Variants in LRP1B observed in about 807,000 individuals in gnomAD.
LRP1B encodes the protein low-density lipoprotein receptor-related protein 1B.
LRP1B carries 217 observed loss-of-function variants against 556.6 expected under a neutral mutation model. The observed-to-expected ratio is 0.39, with a 90% confidence interval of 0.35 to 0.44. The LOEUF is 0.44. Ranked by LOEUF, LRP1B falls within the 20% of genes least tolerant of loss-of-function variation. The probability of loss-of-function intolerance (pLI) is 1.00; values close to 1 mark genes in which losing one functional copy is unlikely to be tolerated. For missense variants in LRP1B, 5,053 were observed against 5,620.8 expected (o/e 0.90, Z 3.23); for synonymous variants, 2,047 against 1,865.8 (o/e 1.10, Z -2.50).
intron 7 of LRP1B, among the ~76,000 whole-genome samples, chr2:141,131,888 T>C (rs757985722): frequency 1.3e-5 from 2 of 151,942 alleles, no homozygotes; most frequent in African/African-American, 2.4e-5. Flanking sequence ...TTTGGTTACA[T>C]GAGTAAGTTC....
chr2:141,929,419 G>A (rs1700424829), intron 1 of LRP1B, among the ~76,000 whole-genome samples: 3 of 151,938 alleles, frequency 2.0e-5, no homozygotes, highest in South Asian at 4.1e-4. Context: ...ATGTTACAGT[G>A]GAGAAGTCAA....
At chr2:141,784,966 G>C (rs1476293968) in intron 2 of LRP1B, among the ~76,000 whole-genome samples, 1 of 151,904 alleles carries the variant, frequency 6.6e-6, no homozygotes. Flanking sequence ...GATAGATATG[G>C]CAGTGGTAAC....
chr2:141,776,212 T>C (rs188584457), intron 2 of LRP1B, among the ~76,000 whole-genome samples: 113 of 133,810 alleles, frequency 8.4e-4, no homozygotes, highest in Middle Eastern at 7.5e-3. Flanking sequence ...AATTTTTAGT[T>C]CTCAGGTAAC....
chr2:140,490,961 C>T (rs1034983554), intron 57 of LRP1B, among the ~76,000 whole-genome samples: 2 of 151,984 alleles, frequency 1.3e-5, no homozygotes, highest in African/African-American at 4.8e-5. Context: ...TGACTGGCAA[C>T]AGTCTAAAAT....
chr2:141,364,019 C>T (rs1383051529), intron 3 of LRP1B, among the ~76,000 whole-genome samples: 1 of 152,076 alleles, frequency 6.6e-6, no homozygotes, highest in Non-Finnish European at 1.5e-5. Flanking sequence ...GTTTGATTTT[C>T]TCCTCCATAT....
At chr2:141,292,136 T>C (rs2105411459) in intron 3 of LRP1B, among the ~76,000 whole-genome samples, 1 of 152,244 alleles carries the variant, frequency 6.6e-6, no homozygotes, top group South Asian at 2.1e-4. Flanking sequence ...ACAAACCCTA[T>C]TGTGACCTGT....
At chr2:140,348,860 T>G (rs1681818085) in intron 77 of LRP1B, among the ~76,000 whole-genome samples, 1 of 152,148 alleles carries the variant, frequency 6.6e-6, no homozygotes, top group Middle Eastern at 3.2e-3. Flanking sequence ...TTGTGAATTC[T>G]GTTCACTAGA....
At chr2:142,077,381 T>A (rs1705542400) in intron 1 of LRP1B, among the ~76,000 whole-genome samples, 1 of 152,156 alleles carries the variant, frequency 6.6e-6, no homozygotes, top group African/African-American at 2.4e-5. Flanking sequence ...TATTTAAATT[T>A]ATATCCCTGT....
chr2:141,232,666 G>A (rs1683516429), intron 5 of LRP1B, among the ~76,000 whole-genome samples: 3 of 152,066 alleles, frequency 2.0e-5, no homozygotes, highest in South Asian at 2.1e-4. Flanking sequence ...AAAACATATC[G>A]ACCACTAATT....
At chr2:141,489,129 T>G (rs886109170) in intron 2 of LRP1B, among the ~76,000 whole-genome samples, 8 of 145,494 alleles carry the variant, frequency 5.5e-5, no homozygotes, top group African/African-American at 2.1e-4. Flanking sequence ...TTTTTTTTTT[T>G]TTTTTTTTTT....
At chr2:140,254,912 T>C (rs1681611678) in intron 86 of LRP1B, among the ~76,000 whole-genome samples, 6 of 152,176 alleles carry the variant, frequency 3.9e-5, no homozygotes. Flanking sequence ...CAAAGCTTTC[T>C]TGGGACGTTG....
intron 2 of LRP1B, among the ~76,000 whole-genome samples, chr2:141,513,867 G>A (rs979548091): frequency 1.3e-5 from 2 of 152,132 alleles, no homozygotes; most frequent in East Asian, 1.9e-4. Flanking sequence ...TGGTCGTGGA[G>A]GAAGTCCATT....
intron 1 of LRP1B, among the ~76,000 whole-genome samples, chr2:142,016,876 A>G (rs1188301559): frequency 1.3e-5 from 2 of 149,236 alleles, no homozygotes; most frequent in Non-Finnish European, 3.0e-5. Context: ...ATATATGTAT[A>G]TATGTGTTTA....
intron 32 of LRP1B, among the ~76,000 whole-genome samples, chr2:140,785,415 A>G (rs1350279097): frequency 6.6e-6 from 1 of 152,180 alleles, no homozygotes; most frequent in Non-Finnish European, 1.5e-5. Flanking sequence ...AAATCTAGAG[A>G]GCAAGCTGGC....
rs1169206949 is a variant in LRP1B, at chr2:141,717,109, G to A, written c.205+93170C>T. Among the ~76,000 whole-genome samples, 3 of 152,106 alleles carry A rather than the reference G, an allele frequency of 2.0e-5. No individual in the cohort carries two copies. The East Asian group carries it at 5.8e-4, about 29-fold the overall frequency. On this transcript the variant is annotated intron_variant, in intron 2 of 90. Transcript: ENST00000389484. The stretch of plus-strand genomic sequence containing the variant: ...CACTTTTATTTTTCTAAAGCTCAGA[G>A]GTATGATATAAATGTCAGTAAAAAT...
intron 63 of LRP1B, among the ~76,000 whole-genome samples, chr2:140,445,154 C>T (rs770510659): frequency 2.6e-5 from 4 of 151,888 alleles, no homozygotes; most frequent in South Asian, 2.1e-4. Flanking sequence ...CTTGCTCTGT[C>T]GCCCAGTCTG....
intron 1 of LRP1B, among the ~76,000 whole-genome samples, chr2:141,966,664 T>TG (rs938708294): frequency 6.6e-6 from 1 of 151,606 alleles, no homozygotes; most frequent in Admixed American, 6.6e-5. Context: ...GGGGGGCTGC[T>TG]GGTACCCTTA....
intron 1 of LRP1B, among the ~76,000 whole-genome samples, chr2:142,057,501 G>GA (rs1242373771): frequency 2.6e-5 from 4 of 152,046 alleles, no homozygotes; most frequent in Admixed American, 1.3e-4. Context: ...TGCCGCTGGG[G>GA]AAAAAATAGA....
At chr2:140,626,068 T>G (rs1683646144) in intron 41 of LRP1B, among the ~76,000 whole-genome samples, 1 of 152,066 alleles carries the variant, frequency 6.6e-6, no homozygotes, top group Non-Finnish European at 1.5e-5. Flanking sequence ...TACCAAGACA[T>G]GAAAAGACAT....
Sources: allele counts gnomAD v4.1 joint callset (sites outside exome capture counted in the v4.1 genomes callset), GRCh38; gene constraint gnomAD v4.1.1; transcripts MANE v1.5; gene names NCBI Gene and HGNC (gene_info 2026-07-23, HGNC 2026-07-21).